DRG2: variants seen among roughly 807,000 people sequenced by gnomAD.
DRG2 encodes developmentally-regulated GTP-binding protein 2.
DRG2 carries 36 observed loss-of-function variants against 53.4 expected under a neutral mutation model. That is an observed-to-expected ratio of 0.67 (90% CI 0.52 to 0.89). The LOEUF (loss-of-function observed/expected upper bound fraction) is 0.89. DRG2 is among the 40% of genes least tolerant of loss of function. The pLI is 0.00. For missense variants in DRG2, 342 were observed against 481.2 expected (o/e 0.71, Z 2.71); for synonymous variants, 167 against 192.1 (o/e 0.87, Z 1.08).
At position 18,101,486 on chromosome 17, in the gene DRG2, C is replaced by G. The variant is rs752045488; in HGVS notation, c.632-7C>G. The G allele has an allele frequency of 6.2e-7, 1 of 1,613,698 alleles. No individual in the cohort carries two copies. Among genetic ancestry groups the G allele is most frequent in the South Asian group, 1.1e-5 (1 of 91,020 alleles). ...TGCACAGGTTGCCCTTAATCGGAGC[C>G]CCTCAGAGATCTTCAATGCAGAAGT... On this transcript the variant is annotated splice_region_variant and splice_polypyrimidine_tract_variant and intron_variant, in intron 7 of 12. Transcript: ENST00000225729.
intron 1 of DRG2, chr17:18,091,968 C>T (rs2142181406): frequency 6.6e-6 from 1 of 152,198 alleles, no homozygotes; most frequent in East Asian, 1.9e-4. Context: ...TAAAATGGCC[C>T]CACTAATGGC....
At chr17:18,088,366 A>G (rs1461955681) in intron 1 of DRG2, among the ~76,000 whole-genome samples, 1 of 152,218 alleles carries the variant, frequency 6.6e-6, no homozygotes, top group Non-Finnish European at 1.5e-5. Flanking sequence ...CATCTGACCC[A>G]GAGAGAGGCG....
chr17:18,106,948 TG>T (rs1275341358), intron 12 of DRG2, among the ~76,000 whole-genome samples: 1 of 152,150 alleles, frequency 6.6e-6, no homozygotes, highest in African/African-American at 2.4e-5. Flanking sequence ...CCAGAAGTGC[TG>T]GGATTACAGG....
intron 1 of DRG2, among the ~76,000 whole-genome samples, chr17:18,091,266 T>C (rs764696531): frequency 1.3e-5 from 2 of 152,208 alleles, no homozygotes; most frequent in Non-Finnish European, 2.9e-5. Context: ...TCTGTAAGAC[T>C]TCTCCATTAT....
chr17:18,095,981 G>C (rs1299634525), intron 2 of DRG2: 1 of 152,138 alleles, frequency 6.6e-6, no homozygotes, highest in African/African-American at 2.4e-5. Flanking sequence ...TGATAACCTT[G>C]ACGGTTTTAA....
At position 18,093,662 on chromosome 17, in the gene DRG2, G is replaced by A. The variant is rs183981504; in HGVS notation, c.65-151G>A. ...TTAAATGAAGTGAGAAGCCAAGGGGGCCTTTTAAGCAGAGAGATTTTTTTT... is the reference window on the plus strand; with the variant it reads ...TTAAATGAAGTGAGAAGCCAAGGGGACCTTTTAAGCAGAGAGATTTTTTTT... On this transcript the variant is annotated intron_variant, in intron 1 of 12. Coordinates refer to ENST00000225729, the MANE Select transcript of DRG2 (RefSeq NM_001388.5). The A allele has an allele frequency of 1.3e-4, 112 of 868,274 alleles. No homozygotes were observed. The East Asian group carries it at 2.9e-3, about 22-fold the overall frequency. 53.8% of individuals were successfully genotyped at this position (868,274 alleles called of 1,614,324 possible).
chr17:18,102,859 C>T (rs1037424273), intron 9 of DRG2, among the ~76,000 whole-genome samples: 2 of 152,186 alleles, frequency 1.3e-5, no homozygotes, highest in South Asian at 2.1e-4. Flanking sequence ...TGTTCACTTG[C>T]CACCACAGCC....
chr17:18,092,331 G>T (rs182353346), intron 1 of DRG2, among the ~76,000 whole-genome samples: 2 of 152,176 alleles, frequency 1.3e-5, no homozygotes, highest in Non-Finnish European at 2.9e-5. Flanking sequence ...GGCAGTCCTG[G>T]TGGTATATGC....
chr17:18,102,481 C>T (rs1332729285), intron 9 of DRG2, among the ~76,000 whole-genome samples: 2 of 45,308 alleles, frequency 4.4e-5, no homozygotes, highest in East Asian at 3.8e-4. Flanking sequence ...ATTAGCTGGG[C>T]GTGGTGGCGT....
rs1050909628 is a variant in DRG2 at position 18,102,066 on chromosome 17, C to A, written c.806+69C>A. ...GTTCTGACCCCAGTCGTCAGGCCTC[C>A]CAGCCACTTTGGCTGTGGAGGAGGA... On this transcript the variant is annotated intron_variant, in intron 9 of 12. Coordinates refer to ENST00000225729, the MANE Select transcript of DRG2 (RefSeq NM_001388.5). The A allele has an allele frequency of 5.3e-6, 8 of 1,506,890 alleles. No individual in the cohort carries two copies. The African/African-American group carries it at 8.3e-5, about 16-fold the overall frequency. 93.3% of individuals were successfully genotyped at this position (1,506,890 alleles called of 1,614,324 possible). A position where few individuals can be genotyped will look rare whatever the true frequency, so the allele number is the denominator to read the frequency against.
chr17:18,107,296 A>G lies in DRG2; in HGVS notation c.*56A>G. 2.0e-6 allele frequency: 3 copies of G among 1,535,306 alleles called. No individual in the cohort carries two copies. Among genetic ancestry groups the G allele is most frequent in the South Asian group, 1.1e-5 (1 of 88,978 alleles). Reference sequence around the variant, plus strand: ...CTCGTCTCCCTGGGGAGGTGGTCCCACTGGGACACACAAACACCCAAACAG... The same window carrying G: ...CTCGTCTCCCTGGGGAGGTGGTCCCGCTGGGACACACAAACACCCAAACAG... On this transcript the variant is annotated 3_prime_UTR_variant, in exon 13 of 13. Transcript: ENST00000225729.
At position 18,101,481 on chromosome 17, in the gene DRG2, G is replaced by T. The variant is rs367924633; in HGVS notation, c.632-12G>T. ...GCTGGTGCACAGGTTGCCCTTAATC[G>T]GAGCCCCTCAGAGATCTTCAATGCA... On this transcript the variant is annotated splice_polypyrimidine_tract_variant and intron_variant, in intron 7 of 12. Coordinates refer to ENST00000225729, the MANE Select transcript of DRG2 (RefSeq NM_001388.5). 1 of 1,613,454 alleles carries T rather than the reference G, an allele frequency of 6.2e-7. No homozygotes were observed. Among genetic ancestry groups the T allele is most frequent in the Admixed American group, 1.7e-5 (1 of 59,938 alleles).
At chr17:18,106,785 G>A (rs2045645739) in intron 12 of DRG2, among the ~76,000 whole-genome samples, 1 of 147,888 alleles carries the variant, frequency 6.8e-6, no homozygotes, top group Non-Finnish European at 1.5e-5. Context: ...CGACATCTGT[G>A]CAAAAGCGAT....
intron 11 of DRG2, chr17:18,106,150 G>T (rs769798580): frequency 3.0e-4 from 145 of 484,924 alleles, no homozygotes; most frequent in Non-Finnish European, 4.9e-4. Flanking sequence ...GCCACTAGCA[G>T]CCAGGCCCCT....
At chr17:18,096,933 TA>T (rs1222490801) in intron 2 of DRG2, 1 of 152,178 alleles carries the variant, frequency 6.6e-6, no homozygotes, top group Non-Finnish European at 1.5e-5. Context: ...GGGCAGTGTT[TA>T]GTTTTATTTG....
At chr17:18,090,453 GT>G (rs891889978) in intron 1 of DRG2, among the ~76,000 whole-genome samples, 6 of 88,090 alleles carry the variant, frequency 6.8e-5, no homozygotes, top group African/African-American at 2.7e-4. Flanking sequence ...TTTCACTCTT[GT>G]TGCCCAGGCT....
rs2045467814 is a variant in DRG2, at chr17:18,098,296, C to T, written c.252C>T (p.Ser84=). 5 of 1,613,990 alleles carry T rather than the reference C, an allele frequency of 3.1e-6. No homozygotes were observed. The East Asian group carries it at 1.1e-4, about 36-fold the overall frequency. ...GKSTFLSLMT[S]TASEAASYEF... The stretch of plus-strand genomic sequence containing the variant: ...CCACATTCTTGAGTCTGATGACCTC[C>T]ACGGCCAGCGAGGCAGCGTCCTATG... Residue 84 remains serine (S), a synonymous_variant, in exon 3 of 13, where the codon TCC becomes TCT. Coordinates refer to ENST00000225729, the MANE Select transcript of DRG2 (RefSeq NM_001388.5). This position sits in a 1 kb window ranked among gnomAD's most constrained non-coding sequence, Gnocchi z 4.1.
At chr17:18,090,581 G>GTTC (rs1397761318) in intron 1 of DRG2, among the ~76,000 whole-genome samples, 1 of 151,124 alleles carries the variant, frequency 6.6e-6, no homozygotes, top group Non-Finnish European at 1.5e-5. Context: ...TGTGTCTTTA[G>GTTC]TAGAGACAAG....
intron 9 of DRG2, 126 bp downstream of exon 9, chr17:18,102,123 C>G: frequency 1.0e-6 from 1 of 977,620 alleles, no homozygotes; most frequent in Non-Finnish European, 1.5e-6. Flanking sequence ...AGCACACAGC[C>G]GTCACGGAGC....
Sources: allele counts gnomAD v4.1 joint callset (sites outside exome capture counted in the v4.1 genomes callset), GRCh38; gene constraint gnomAD v4.1.1; non-coding constraint Gnocchi (gnomAD v3.1); transcripts MANE v1.5; gene names NCBI Gene and HGNC (gene_info 2026-07-23, HGNC 2026-07-21).